Variants in PCDHAC1 observed in about 807,000 individuals in gnomAD.
PCDHAC1 encodes the protein protocadherin alpha-C1.
A neutral mutation model predicts 60.0 loss-of-function variants in PCDHAC1; 42 were observed. The ratio of observed to expected loss-of-function variants is 0.70; its 90% CI spans 0.55 to 0.90. The LOEUF is 0.90. Among genes scored for constraint, PCDHAC1 ranks in the 40% least tolerant of loss-of-function variants. The pLI is 0.00. For missense variants in PCDHAC1, 1,160 were observed against 1,222.3 expected, an observed-to-expected ratio of 0.95 and a Z score of 0.76; for synonymous variants, 468 against 499.3, an observed-to-expected ratio of 0.94 and a Z score of 0.84.
intron 1 of PCDHAC1, among the ~76,000 whole-genome samples, chr5:140,975,597 T>C (rs2096674133): frequency 6.6e-6 from 1 of 152,242 alleles, no homozygotes; most frequent in Non-Finnish European, 1.5e-5. Context: ...GAGGGCAATT[T>C]GTTGATGTCT....
At chr5:140,972,480 C>A (rs558245112) in intron 1 of PCDHAC1, among the ~76,000 whole-genome samples, 2 of 151,890 alleles carry the variant, frequency 1.3e-5, no homozygotes, top group East Asian at 3.9e-4. Context: ...AGCATTTAAC[C>A]CCAGACTCTA....
Position 140,947,404 on chromosome 5 carries a change from T to C in PCDHAC1, c.2433+18079T>C, listed in dbSNP as rs1305199507. On this transcript the variant is annotated intron_variant, in intron 1 of 3. Transcript: ENST00000253807. ...ATCCTTTCACTAAAAGTAGACTGTC[T>C]TGATATTGTAGCTTTATAAATTTGA... is the stretch of plus-strand genomic sequence containing the variant. Among the ~76,000 whole-genome samples the C allele has an allele frequency of 2.6e-5, 4 of 151,736 alleles. No individual in the cohort carries two copies. In the East Asian group the frequency reaches 5.8e-4, roughly 22 times the overall value.
chr5:140,988,516 G>A (rs1226381986), intron 3 of PCDHAC1, among the ~76,000 whole-genome samples: 1 of 152,156 alleles, frequency 6.6e-6, no homozygotes, highest in African/African-American at 2.4e-5. Flanking sequence ...GCTTACTTAA[G>A]TCTCTGCTGG....
At chr5:140,959,499 C>T (rs2095491321) in intron 1 of PCDHAC1, among the ~76,000 whole-genome samples, 1 of 151,982 alleles carries the variant, frequency 6.6e-6, no homozygotes. Flanking sequence ...ATGGATCAAA[C>T]TAAAAAATTT....
intron 3 of PCDHAC1, among the ~76,000 whole-genome samples, chr5:141,006,608 G>A (rs2098279719): frequency 6.6e-6 from 1 of 152,200 alleles, no homozygotes; most frequent in African/African-American, 2.4e-5. Flanking sequence ...GAAGCAGACT[G>A]AATAAGGAGA....
chr5:140,954,116 G>A (rs1190456994), intron 1 of PCDHAC1, among the ~76,000 whole-genome samples: 2 of 152,118 alleles, frequency 1.3e-5, no homozygotes, highest in East Asian at 3.9e-4. Context: ...ACAAGATCTT[G>A]TTCCTTTTTA....
Position 140,968,974 on chromosome 5 carries a change from G to A in PCDHAC1, c.2434-9975G>A, listed in dbSNP as rs17119326. 3.9e-3 allele frequency: 6,227 copies of A among 1,614,174 alleles called. 151 individuals carry two copies. The African/African-American group carries it at 0.06, about 16-fold the overall frequency. On this transcript the variant is annotated intron_variant, in intron 1 of 3. Coordinates refer to ENST00000253807, the MANE Select transcript of PCDHAC1 (RefSeq NM_018898.5). Reference sequence around the variant, plus strand: ...TCATCAAGTGCTACCGCTACACTGCGTATGGCACTGCATGCTGTGGAGGCT... The same window carrying A: ...TCATCAAGTGCTACCGCTACACTGCATATGGCACTGCATGCTGTGGAGGCT...
chr5:140,955,696 A>G (rs373393526), intron 1 of PCDHAC1, among the ~76,000 whole-genome samples: 6 of 152,184 alleles, frequency 3.9e-5, no homozygotes, highest in East Asian at 1.9e-4. Flanking sequence ...GATGAATGTC[A>G]ATGGAAGTTT....
At chr5:140,948,013 A>G (rs1214834981) in intron 1 of PCDHAC1, among the ~76,000 whole-genome samples, 7 of 89,982 alleles carry the variant, frequency 7.8e-5, no homozygotes, top group Admixed American at 5.3e-4. Context: ...TTTAGGAAGT[A>G]CCCTTTCTGG....
chr5:140,966,894 A>G, intron 1 of PCDHAC1: 1 of 1,596,438 alleles, frequency 6.3e-7, no homozygotes, highest in Non-Finnish European at 8.5e-7. Flanking sequence ...GCGGCCTCCC[A>G]GCTGCGATAC....
chr5:140,981,787 T>C (rs2096951436), intron 2 of PCDHAC1, among the ~76,000 whole-genome samples: 1 of 152,116 alleles, frequency 6.6e-6, no homozygotes, highest in Non-Finnish European at 1.5e-5. Flanking sequence ...CCATGTTCTC[T>C]TTTCCCTTGA....
At position 140,929,002 on chromosome 5, in the gene PCDHAC1, T is replaced by C. The variant is rs1584608620; in HGVS notation, c.2110T>C (p.Cys704Arg). ...LFLGCLLFFVCTKLHQSPGCC... is the reference protein window; with the variant it reads ...LFLGCLLFFVRTKLHQSPGCC... ...TCTGGGGTGCTTACTTTTCTTCGTG[T>C]GTACCAAGTTGCACCAGAGCCCAGG... Residue 704 changes from cysteine to arginine, a missense_variant, in exon 1 of 4, where the codon TGT becomes CGT. Cys to Arg is a radical substitution (Grantham distance 180). Transcript: ENST00000253807. 1 of 1,614,048 alleles carries C rather than the reference T, an allele frequency of 6.2e-7. No homozygotes were observed. Among genetic ancestry groups the C allele is most frequent in the Non-Finnish European group, 8.5e-7 (1 of 1,179,974 alleles).
chr5:140,982,722 T>G, intron 3 of PCDHAC1, 159 bp downstream of exon 3: 1 of 913,304 alleles, frequency 1.1e-6, no homozygotes, highest in African/African-American at 1.8e-5. Flanking sequence ...TATGATTATT[T>G]TGATTTTATA....
At chr5:141,000,120 C>G (rs1554257146) in intron 3 of PCDHAC1, among the ~76,000 whole-genome samples, 1 of 152,052 alleles carries the variant, frequency 6.6e-6, no homozygotes, top group African/African-American at 2.4e-5. Flanking sequence ...CCCTCATCCC[C>G]AAGGCTTCAC....
chr5:140,929,414 A>C, intron 1 of PCDHAC1, 89 bp downstream of exon 1: 1 of 1,504,422 alleles, frequency 6.6e-7, no homozygotes. Flanking sequence ...GCCTTTCACA[A>C]CATTTCATCA....
chr5:140,938,463 T>C (rs1399110046), intron 1 of PCDHAC1, among the ~76,000 whole-genome samples: 1 of 152,216 alleles, frequency 6.6e-6, no homozygotes, highest in Non-Finnish European at 1.5e-5. Flanking sequence ...GTTTTTTAAT[T>C]TATTATGTTT....
intron 1 of PCDHAC1, among the ~76,000 whole-genome samples, chr5:140,974,181 A>G (rs1361812242): frequency 3.9e-5 from 6 of 152,226 alleles, no homozygotes; most frequent in Non-Finnish European, 8.8e-5. Context: ...TAACTTGACA[A>G]ATGCAAAGGA....
intron 1 of PCDHAC1, among the ~76,000 whole-genome samples, chr5:140,956,385 T>C (rs1313427005): frequency 6.6e-6 from 1 of 152,198 alleles, no homozygotes; most frequent in Non-Finnish European, 1.5e-5. Flanking sequence ...ATCGAAGGCC[T>C]TTTCTGAATC....
At chr5:140,972,983 AGATTCTGTGCATTTGT>A (rs1169514447) in intron 1 of PCDHAC1, among the ~76,000 whole-genome samples, 1 of 152,102 alleles carries the variant, frequency 6.6e-6, no homozygotes, top group Admixed American at 6.6e-5. Flanking sequence ...ATCTTAAGGT[AGATTCTGTGCATTTGT>A]GGTCGTGGTG....
Sources: gnomAD v4.1 joint callset for allele counts (sites outside exome capture counted in the v4.1 genomes callset) on GRCh38, gnomAD v4.1.1 for gene constraint, MANE v1.5 for transcripts, NCBI Gene and HGNC (gene_info 2026-07-23, HGNC 2026-07-21) for gene names.